Variants in AAMDC observed in about 807,000 individuals in gnomAD.
AAMDC encodes the protein adipogenesis associated Mth938 domain containing, also known as mth938 domain-containing protein.
Under a neutral mutation model 15.5 loss-of-function variants are expected in AAMDC, and 16 were observed. That is an observed-to-expected ratio of 1.03 (90% confidence interval 0.70 to 1.57). The LOEUF (loss-of-function observed/expected upper bound fraction) is 1.57, where lower values mean the gene tolerates loss of function less well. Ranked by LOEUF, AAMDC falls within the 40% of genes most tolerant of loss-of-function variation. AAMDC has a pLI of 0.00. For missense variants in AAMDC, 141 were observed against 144.9 expected (o/e 0.97, Z 0.14); for synonymous variants, 51 against 51.6 (o/e 0.99, Z 0.05).
chr11:77,883,128 A>G (rs1321064655), intron 5 of AAMDC, among the ~76,000 whole-genome samples: 1 of 151,994 alleles, frequency 6.6e-6, no homozygotes. Flanking sequence ...TTAAAAACAC[A>G]GAGTGAAAGA....
intron 5 of AAMDC, chr11:77,883,917 G>T (rs1291575344): frequency 1.9e-6 from 3 of 1,613,286 alleles, no homozygotes; most frequent in Non-Finnish European, 2.5e-6. Context: ...CAGGCTTGGG[G>T]TGAATCATCT....
At chr11:77,867,494 T>C (rs79225857) in intron 2 of AAMDC, among the ~76,000 whole-genome samples, 3,272 of 152,308 alleles carry the variant, frequency 0.021, 94 homozygotes, top group African/African-American at 0.069. Flanking sequence ...CATGGAACAT[T>C]TGGTTCATCT....
intron 2 of AAMDC, among the ~76,000 whole-genome samples, chr11:77,856,538 G>A (rs3886195): frequency 0.13 from 19,663 of 152,104 alleles, 1,448 homozygotes; most frequent in Admixed American, 0.2. Context: ...AGCTACCTGA[G>A]ACTGGATAGT....
intron 2 of AAMDC, chr11:77,850,598 G>T (rs1049659342): frequency 1.4e-4 from 21 of 152,042 alleles, no homozygotes; most frequent in Admixed American, 1.2e-3. Flanking sequence ...GCCACACAAA[G>T]AAAACTAAAG....
intron 1 of AAMDC, among the ~76,000 whole-genome samples, chr11:77,838,843 C>T (rs1451719668): frequency 6.6e-6 from 1 of 152,062 alleles, no homozygotes; most frequent in African/African-American, 2.4e-5. Context: ...GTCTCAATCT[C>T]CTGACCTCGT....
chr11:77,833,362 C>G (rs1315783460), intron 1 of AAMDC, among the ~76,000 whole-genome samples: 1 of 152,080 alleles, frequency 6.6e-6, no homozygotes, highest in Non-Finnish European at 1.5e-5. Context: ...GAGACAGTGA[C>G]AGATCATCAG....
At chr11:77,897,555 C>T (rs373512286) in intron 5 of AAMDC, among the ~76,000 whole-genome samples, 1 of 151,340 alleles carries the variant, frequency 6.6e-6, no homozygotes, top group East Asian at 1.9e-4. Context: ...GGCTGGAGTG[C>T]AGTGGTGGGA....
intron 5 of AAMDC, chr11:77,878,856 A>G (rs1951682394): frequency 1.1e-6 from 1 of 886,578 alleles, no homozygotes; most frequent in Non-Finnish European, 1.9e-6. Flanking sequence ...CCTTAAGCCT[A>G]CACATCAATT....
chr11:77,881,915 T>G (rs1951808769), intron 5 of AAMDC, among the ~76,000 whole-genome samples: 1 of 151,950 alleles, frequency 6.6e-6, no homozygotes, highest in Admixed American at 6.6e-5. Context: ...CTGATGGTTT[T>G]TTTTTTTTTC....
intron 5 of AAMDC, among the ~76,000 whole-genome samples, chr11:77,878,236 C>T (rs1249491445): frequency 6.6e-6 from 1 of 152,036 alleles, no homozygotes; most frequent in Non-Finnish European, 1.5e-5. Flanking sequence ...GTGACAGGCG[C>T]CTGTAGTCCC....
chr11:77,862,206 T>A (rs964859963), intron 2 of AAMDC, among the ~76,000 whole-genome samples: 1 of 152,306 alleles, frequency 6.6e-6, no homozygotes, highest in East Asian at 1.9e-4. Context: ...TGGGGAATCG[T>A]TCTCATTCCT....
chr11:77,867,492 A>T (rs1951171657), intron 2 of AAMDC, among the ~76,000 whole-genome samples: 1 of 152,190 alleles, frequency 6.6e-6, no homozygotes, highest in Non-Finnish European at 1.5e-5. Context: ...TCCATGGAAC[A>T]TTTGGTTCAT....
intron 2 of AAMDC, among the ~76,000 whole-genome samples, chr11:77,843,885 G>C (rs12280983): frequency 2.0e-5 from 3 of 152,128 alleles, no homozygotes; most frequent in Non-Finnish European, 4.4e-5. Context: ...AGCAAGTCAC[G>C]TCTTACATGG....
At chr11:77,901,894 G>A (rs1331778501), downstream of AAMDC, among the ~76,000 whole-genome samples, 1 of 151,786 alleles carries the variant, frequency 6.6e-6, no homozygotes, top group Non-Finnish European at 1.5e-5. Context: ...TATATATTAT[G>A]TATGGAAACC....
intron 2 of AAMDC, among the ~76,000 whole-genome samples, chr11:77,847,028 T>C (rs1325840338): frequency 6.6e-6 from 1 of 152,192 alleles, no homozygotes; most frequent in Non-Finnish European, 1.5e-5. Flanking sequence ...CCCAAACTGA[T>C]GTATGAGCAG....
intron 2 of AAMDC, among the ~76,000 whole-genome samples, chr11:77,856,196 A>T (rs899879225): frequency 2.6e-5 from 4 of 152,234 alleles, no homozygotes; most frequent in African/African-American, 9.6e-5. Context: ...TCTCTAGGGC[A>T]GGGGCACAAT....
intron 5 of AAMDC, chr11:77,891,376 C>A (rs1280162707): frequency 1.9e-6 from 3 of 1,611,830 alleles, no homozygotes; most frequent in Non-Finnish European, 2.5e-6. Context: ...CATCAACATC[C>A]AGGGCAACCA....
intron 5 of AAMDC, among the ~76,000 whole-genome samples, chr11:77,896,646 C>T (rs1952533025): frequency 1.4e-5 from 2 of 141,052 alleles, no homozygotes; most frequent in African/African-American, 5.5e-5. Flanking sequence ...GAGCAAAACT[C>T]CGTCTCAAAA....
chr11:77,871,389 A>G (rs1366857436), intron 3 of AAMDC, among the ~76,000 whole-genome samples: 1 of 152,220 alleles, frequency 6.6e-6, no homozygotes, highest in Admixed American at 6.5e-5. Flanking sequence ...TGGGTAAGGC[A>G]CTATTCTAGA....
Sources: allele counts gnomAD v4.1 joint callset (sites outside exome capture counted in the v4.1 genomes callset), GRCh38; gene constraint gnomAD v4.1.1; transcripts MANE v1.5; gene names NCBI Gene and HGNC (gene_info 2026-07-23, HGNC 2026-07-21).